Variants in GMPS observed in about 807,000 individuals in gnomAD.
The protein encoded by GMPS is guanosine monophosphate synthase.
GMPS carries 15 observed loss-of-function variants against 77.9 expected under a neutral mutation model. The observed-to-expected ratio is 0.19, with a 90% CI of 0.13 to 0.30. The LOEUF is 0.30. GMPS is among the 10% of genes least tolerant of loss of function. GMPS has a pLI of 1.00. For missense variants in GMPS, 590 were observed against 838.8 expected (o/e 0.70, Z 3.66); for synonymous variants, 224 against 275.9 (o/e 0.81, Z 1.86).
chr3:155,932,000 A>G, intron 13 of GMPS, 120 bp downstream of exon 13: 1 of 512,008 alleles, frequency 2.0e-6, no homozygotes, highest in South Asian at 3.4e-5. Flanking sequence ...CATGTAGATA[A>G]GAGTAAATGG....
Position 155,873,362 on chromosome 3 carries a change from A to G in GMPS, c.27+2465A>G, listed in dbSNP as rs143977741. Among the ~76,000 whole-genome samples, 652 of 152,042 alleles carry G rather than the reference A, an allele frequency of 4.3e-3. 2 individuals are homozygous for G. The highest frequency in any genetic ancestry group is 6.8e-3 in the Middle Eastern group (2 of 292). Reference sequence around the variant, plus strand: ...GAGTGCAGTGGTGTGATCACAGCTCACTGCTGCCTTGACTTCTTTAGCCTC... The same window carrying G: ...GAGTGCAGTGGTGTGATCACAGCTCGCTGCTGCCTTGACTTCTTTAGCCTC... On this transcript the variant is annotated intron_variant, in intron 1 of 15. Transcript: ENST00000496455.
In GMPS at chr3:155,874,901, CTTTTTTTTTTTTTT is replaced by C. The variant is rs1171275758; in HGVS notation, c.27+4015_27+4028del. Among the ~76,000 whole-genome samples, 388 of 71,424 alleles carry C rather than the reference CTTTTTTTTTTTTTT, an allele frequency of 5.4e-3. 6 individuals carry two copies. The highest frequency in any genetic ancestry group is 0.021 in the African/African-American group (375 of 18,090). 46.9% of individuals were successfully genotyped at this position (71,424 alleles called of 152,430 possible). A position where few individuals can be genotyped will look rare whatever the true frequency, so the allele number is the denominator to read the frequency against. ...GTAGTACATTCTTAAACTTTGTTTT[CTTTTTTTTTTTTTT>C]TTTTTTTTTTGAGACAGAGTCTGGC... is the stretch of plus-strand genomic sequence containing the variant. On this transcript the variant is annotated intron_variant, in intron 1 of 15. Coordinates refer to ENST00000496455, the MANE Select transcript of GMPS (RefSeq NM_003875.3).
rs1755954347 is a variant in GMPS at position 155,944,004 on chromosome 3, A to G, written c.*6312A>G. On this transcript the variant is annotated 3_prime_UTR_variant, in exon 16 of 16. Coordinates refer to ENST00000496455, the MANE Select transcript of GMPS (RefSeq NM_003875.3). ...TATACACATGCACTTATAAAATTAA[A>G]GTCATATATGTATATACACACAGAC... 3 of 152,228 alleles carry G rather than the reference A, an allele frequency of 2.0e-5. No homozygotes were observed. The highest frequency in any genetic ancestry group is 6.5e-5 in the Admixed American group (1 of 15,278). The allele number at this position is 152,228 out of a possible 1,614,324, so 9.4% of individuals were successfully genotyped here.
rs1420038586 is a variant in GMPS, at chr3:155,939,644, T to G, written c.*1952T>G. 2 of 193,526 alleles carry G rather than the reference T, an allele frequency of 1.0e-5. No homozygotes were observed. The highest frequency in any genetic ancestry group is 2.2e-5 in the Non-Finnish European group (2 of 92,778). 12.0% of individuals were successfully genotyped at this position (193,526 alleles called of 1,614,324 possible). The stretch of plus-strand genomic sequence containing the variant: ...CCTGATATTTGTTTTTTGAACACCT[T>G]TTATATAATCCCTTCTAATATATAC... On this transcript the variant is annotated 3_prime_UTR_variant, in exon 16 of 16. Transcript: ENST00000496455.
intron 10 of GMPS, 140 bp from the exon 11 acceptor site, chr3:155,922,047 C>T (rs1755330253): frequency 2.1e-6 from 1 of 472,900 alleles, no homozygotes; most frequent in African/African-American, 2.1e-5. Flanking sequence ...CTAATAGCTA[C>T]ATTTGGATAC....
chr3:155,902,419 T>C (rs145470619), intron 3 of GMPS, among the ~76,000 whole-genome samples: 6 of 152,238 alleles, frequency 3.9e-5, no homozygotes. Context: ...AATGATTTTT[T>C]ACATTGTTAA....
At position 155,923,210 on chromosome 3, in the gene GMPS, T is replaced by A. The variant is rs1755361109; in HGVS notation, c.1434+908T>A. 1.3e-5 allele frequency among the ~76,000 whole-genome samples: 2 copies of A among 151,664 alleles called. 1 individual carries two copies. The highest frequency in any genetic ancestry group is 4.2e-4 in the South Asian group (2 of 4,808). On this transcript the variant is annotated intron_variant, in intron 11 of 15. Transcript: ENST00000496455. Reference sequence around the variant, plus strand: ...TTGAAAATAATCTAAGTTCTGGGAATGAAAATAATAACTGAAAAACAGCTG... The same window carrying A: ...TTGAAAATAATCTAAGTTCTGGGAAAGAAAATAATAACTGAAAAACAGCTG...
rs1402843689 is a variant in GMPS, at chr3:155,913,026, C to G, written c.887-1393C>G. 2.0e-5 allele frequency among the ~76,000 whole-genome samples: 3 copies of G among 152,204 alleles called. No individual in the cohort carries two copies. The East Asian group carries it at 5.8e-4, about 29-fold the overall frequency. ...ACGAGAGGTTCTGGGCTTGAGCCTA[C>G]TAATACCAGGCATAGTTGAGGGTGG... On this transcript the variant is annotated intron_variant, in intron 7 of 15. Transcript: ENST00000496455.
intron 11 of GMPS, among the ~76,000 whole-genome samples, chr3:155,924,413 T>C (rs1444295243): frequency 6.6e-6 from 1 of 152,242 alleles, no homozygotes; most frequent in East Asian, 1.9e-4. Flanking sequence ...TGAAGTAACA[T>C]GTAAGCCACA....
chr3:155,938,444 A>G lies in GMPS; in HGVS notation c.*752A>G, dbSNP rs917380816. The G allele has an allele frequency of 1.1e-4, 24 of 211,478 alleles. No individual in the cohort carries two copies. Among genetic ancestry groups the G allele is most frequent in the Non-Finnish European group, 2.0e-4 (21 of 104,150 alleles). 13.1% of individuals were successfully genotyped at this position (211,478 alleles called of 1,614,324 possible). A position where few individuals can be genotyped will look rare whatever the true frequency, so the allele number is the denominator to read the frequency against. On this transcript the variant is annotated 3_prime_UTR_variant, in exon 16 of 16. Coordinates refer to ENST00000496455, the MANE Select transcript of GMPS (RefSeq NM_003875.3). ...TTTATCCTCCTAGCCTTATATTACC[A>G]GCCCCCCACAGCCTTGCATAGAAAG...
At position 155,906,266 on chromosome 3, in the gene GMPS, G is replaced by A; in HGVS notation, c.526+3G>A. 3 of 1,593,100 alleles carry A rather than the reference G, an allele frequency of 1.9e-6. No homozygotes were observed. Among genetic ancestry groups the A allele is most frequent in the Non-Finnish European group, 2.6e-6 (3 of 1,164,684 alleles). The stretch of plus-strand genomic sequence containing the variant: ...ACGTTCTGGAAACATAGTAGCAGGT[G>A]AAAATTCTAAAAATTTTGCAGAGTT... On this transcript the variant is annotated splice_donor_region_variant and intron_variant, in intron 5 of 15. Coordinates refer to ENST00000496455, the MANE Select transcript of GMPS (RefSeq NM_003875.3).
chr3:155,918,309 A>C (rs1755235222), intron 9 of GMPS, among the ~76,000 whole-genome samples: 1 of 152,098 alleles, frequency 6.6e-6, no homozygotes, highest in South Asian at 2.1e-4. Flanking sequence ...AAAATTAGCC[A>C]GGTTTGGTGG....
At chr3:155,932,303 CA>C (rs1755645545) in intron 13 of GMPS, among the ~76,000 whole-genome samples, 9 of 151,818 alleles carry the variant, frequency 5.9e-5, no homozygotes, top group Admixed American at 5.9e-4. Context: ...CACACACACA[CA>C]CACACACACA....
chr3:155,928,068 C>G (rs1449642938), intron 12 of GMPS, among the ~76,000 whole-genome samples: 3 of 139,254 alleles, frequency 2.2e-5, no homozygotes, highest in Non-Finnish European at 4.5e-5. Context: ...GCTCTGTCAC[C>G]CAGGCTGGAG....
chr3:155,887,644 A>G (rs1754367393), intron 1 of GMPS, among the ~76,000 whole-genome samples: 1 of 152,206 alleles, frequency 6.6e-6, no homozygotes, highest in African/African-American at 2.4e-5. Context: ...GTTTTTGACA[A>G]TTGGGGAAAC....
chr3:155,925,400 CTT>C (rs200488171), intron 12 of GMPS, 34 bp downstream of exon 12: 3,160 of 1,231,188 alleles, frequency 2.6e-3, no homozygotes, highest in South Asian at 5.2e-3. Context: ...CAGTGATATA[CTT>C]TTTTTTTTTT....
At chr3:155,921,067 C>A (rs1306476124) in intron 10 of GMPS, among the ~76,000 whole-genome samples, 1 of 152,018 alleles carries the variant, frequency 6.6e-6, no homozygotes, top group Non-Finnish European at 1.5e-5. Flanking sequence ...CGCGGTGAAA[C>A]CCGATCTCTA....
intron 1 of GMPS, among the ~76,000 whole-genome samples, chr3:155,890,862 T>C (rs921009873): frequency 6.6e-6 from 1 of 152,238 alleles, no homozygotes; most frequent in Non-Finnish European, 1.5e-5. Flanking sequence ...ACTCCAGCAT[T>C]ATCACTTTTC....
chr3:155,924,366 G>C (rs569050118), intron 11 of GMPS, among the ~76,000 whole-genome samples: 15 of 152,316 alleles, frequency 9.8e-5, no homozygotes, highest in African/African-American at 3.6e-4. Context: ...ATATCTACTT[G>C]TTCTTGTTTA....
Sources: allele counts gnomAD v4.1 joint callset (sites outside exome capture counted in the v4.1 genomes callset), GRCh38; gene constraint gnomAD v4.1.1; transcripts MANE v1.5; gene names NCBI Gene and HGNC (gene_info 2026-07-23, HGNC 2026-07-21).